Variants in CCDC40 observed in about 807,000 individuals in gnomAD.
The protein encoded by CCDC40 is coiled-coil domain-containing protein 40.
CCDC40 carries 104 observed loss-of-function variants against 124.5 expected under a neutral mutation model. That is an observed-to-expected ratio of 0.84 (90% CI 0.71 to 0.98). The LOEUF (loss-of-function observed/expected upper bound fraction) is 0.98, where lower values mean the gene tolerates loss of function less well. Ranked by LOEUF, CCDC40 falls within the 50% of genes least tolerant of loss-of-function variation. CCDC40 has a pLI of 0.00. For synonymous variants in CCDC40, 580 were observed against 602.9 expected, an observed-to-expected ratio of 0.96 and a Z score of 0.56; for missense variants, 1,463 against 1,503.9, an observed-to-expected ratio of 0.97 and a Z score of 0.45.
intron 10 of CCDC40, chr17:80,067,221 C>T (rs1477889486): frequency 1.1e-5 from 4 of 357,814 alleles, no homozygotes; most frequent in Middle Eastern, 8.2e-4. Flanking sequence ...TAACCAGTGT[C>T]CTCTCTGCAA....
At chr17:80,063,023 C>T (rs901053184) in intron 9 of CCDC40, among the ~76,000 whole-genome samples, 5 of 152,034 alleles carry the variant, frequency 3.3e-5, no homozygotes, top group African/African-American at 7.2e-5. Flanking sequence ...GGTGAAACCC[C>T]GTCTCTACTA....
At chr17:80,055,746 G>A (rs1003262805) in intron 7 of CCDC40, among the ~76,000 whole-genome samples, 7 of 151,662 alleles carry the variant, frequency 4.6e-5, no homozygotes, top group Admixed American at 1.3e-4. Flanking sequence ...GGAAGTTTTC[G>A]TCTCTTTTCC....
intron 16 of CCDC40, 129 bp from the exon 17 acceptor site, chr17:80,089,635 C>T: frequency 1.2e-5 from 14 of 1,130,950 alleles, no homozygotes; most frequent in South Asian, 8.7e-5. Flanking sequence ...GAGAGCCTCA[C>T]GCTTTCTGTC....
chr17:80,041,320 C>T (rs1429127652), intron 3 of CCDC40, among the ~76,000 whole-genome samples: 1 of 152,020 alleles, frequency 6.6e-6, no homozygotes, highest in African/African-American at 2.4e-5. Flanking sequence ...CCAGCCTGGC[C>T]AACATGGTGA....
rs2038699426 is a variant in CCDC40, at chr17:80,090,392, GTGCATGAACAACA to G, written c.2832+509_2832+521del. ...CACGAACACAGGACACACACAGCAC[GTGCATGAACAACA>G]CAGGACACACACAGCACGTGCATGA... On this transcript the variant is annotated intron_variant, in intron 17 of 19. Transcript: ENST00000397545. The G allele has an allele frequency of 2.3e-4, 186 of 799,776 alleles. 8 individuals are homozygous for G. The African/African-American group carries it at 3.6e-3, about 16-fold the overall frequency. 49.5% of individuals were successfully genotyped at this position (799,776 alleles called of 1,614,324 possible).
At chr17:80,036,974 C>G (rs1160274766) in intron 1 of CCDC40, among the ~76,000 whole-genome samples, 2 of 152,180 alleles carry the variant, frequency 1.3e-5, no homozygotes. Context: ...CTCTAAAACC[C>G]GGGACCGCTC....
At chr17:80,056,001 TATA>T (rs1243404028) in intron 7 of CCDC40, among the ~76,000 whole-genome samples, 220 of 19,500 alleles carry the variant, frequency 0.011, 34 homozygotes, top group Non-Finnish European at 0.024. Context: ...TATATATATA[TATA>T]TATATATATA....
chr17:80,054,790 G>A (rs1295207237), intron 7 of CCDC40, among the ~76,000 whole-genome samples: 1 of 151,958 alleles, frequency 6.6e-6, no homozygotes, highest in African/African-American at 2.4e-5. Context: ...CCTGGCCAAC[G>A]TGGTGAAACC....
At chr17:80,069,812 AAAAG>A (rs772467204) in intron 10 of CCDC40, among the ~76,000 whole-genome samples, 23 of 147,722 alleles carry the variant, frequency 1.6e-4, no homozygotes, top group East Asian at 3.9e-4. Flanking sequence ...GAGAGAGAAA[AAAAG>A]AAAGAAAGAA....
chr17:80,085,521 A>T (rs1376973193), intron 13 of CCDC40, among the ~76,000 whole-genome samples: 1 of 151,908 alleles, frequency 6.6e-6, no homozygotes, highest in East Asian at 1.9e-4. Context: ...CCTTAGCCAT[A>T]TTTCCTCCAG....
chr17:80,038,388 G>T (rs146973672), intron 2 of CCDC40, among the ~76,000 whole-genome samples: 7 of 151,930 alleles, frequency 4.6e-5, no homozygotes, highest in Non-Finnish European at 8.8e-5. Context: ...AAAATTAGCC[G>T]GGCGTGGTGG....
intron 9 of CCDC40, among the ~76,000 whole-genome samples, chr17:80,060,905 T>A (rs1193804743): frequency 6.6e-6 from 1 of 152,240 alleles, no homozygotes; most frequent in Non-Finnish European, 1.5e-5. Context: ...CTTTTCCTCA[T>A]ACCAGACACT....
At position 80,099,990 on chromosome 17, in the gene CCDC40, C is replaced by A; in HGVS notation, c.*215C>A. The stretch of plus-strand genomic sequence containing the variant: ...AAAATCCTAGCGTTTCCCATGGCAT[C>A]CCATCGCAAAGACAGAGCCTGTGAC... On this transcript the variant is annotated 3_prime_UTR_variant, in exon 20 of 20. Coordinates refer to ENST00000397545, the MANE Select transcript of CCDC40 (RefSeq NM_017950.4). 1 of 592,560 alleles carries A rather than the reference C, an allele frequency of 1.7e-6. No individual in the cohort carries two copies. The highest frequency in any genetic ancestry group is 2.0e-5 in the South Asian group (1 of 50,654). 36.7% of individuals were successfully genotyped at this position (592,560 alleles called of 1,614,324 possible).
rs1246130419 is a variant in CCDC40 at position 80,084,744 on chromosome 17, T to C, written c.1991T>C (p.Met664Thr). Residue 664 changes from methionine (M) to threonine (T), a missense_variant and splice_region_variant, in exon 13 of 20, where the codon ATG becomes ACG. By Grantham distance (81) the Met-to-Thr change is moderately conservative. Transcript: ENST00000397545. The part of the protein sequence containing the change: ...LRLQKEKTNM[M>T]THLSKINGDI... The stretch of plus-strand genomic sequence containing the variant: ...AGGTATTTCTTTTCATCAATTCAGA[T>C]GACACATCTTTCCAAAATCAACGGT... 2 of 1,614,034 alleles carry C rather than the reference T, an allele frequency of 1.2e-6. No individual in the cohort carries two copies. The highest frequency in any genetic ancestry group is 1.3e-5 in the African/African-American group (1 of 75,030).
chr17:80,071,831 C>CTTTTTTT (rs35874742), intron 10 of CCDC40, among the ~76,000 whole-genome samples: 12 of 88,952 alleles, frequency 1.3e-4, no homozygotes, highest in African/African-American at 3.1e-4. Flanking sequence ...GGTTTTTCAG[C>CTTTTTTT]TTTTTTTTTT....
rs1355571180 is a variant in CCDC40 at position 80,058,171 on chromosome 17, G to A, written c.1160-323G>A. Among the ~76,000 whole-genome samples, 1 of 152,174 alleles carries A rather than the reference G, an allele frequency of 6.6e-6. No homozygotes were observed. Among genetic ancestry groups the A allele is most frequent in the Non-Finnish European group, 1.5e-5 (1 of 68,038 alleles). ...GGTAAGACATCTATGCAATCAACCC[G>A]AAGCCTTACCACCTGGCACTACTTC... On this transcript the variant is annotated intron_variant, in intron 7 of 19. Transcript: ENST00000397545. The surrounding 1 kb of genome is among the most constrained non-coding windows in gnomAD (Gnocchi z 4.2).
At chr17:80,067,474 T>A in intron 10 of CCDC40, 1 of 903,142 alleles carries the variant, frequency 1.1e-6, no homozygotes, top group Non-Finnish European at 1.8e-6. Flanking sequence ...CACTCACTGT[T>A]CTGCACCTCT....
Position 80,085,237 on chromosome 17 carries a change from C to T in CCDC40, c.2235+249C>T, listed in dbSNP as rs1252514847. On this transcript the variant is annotated intron_variant, in intron 13 of 19. Coordinates refer to ENST00000397545, the MANE Select transcript of CCDC40 (RefSeq NM_017950.4). ...TCTGGCAGTGACACGGCTCTGCCTC[C>T]ATAGCGAGAAGGAGCATAGGTAAAA... 2.6e-5 allele frequency among the ~76,000 whole-genome samples: 4 copies of T among 152,398 alleles called. No individual in the cohort carries two copies. The East Asian group carries it at 7.7e-4, about 29-fold the overall frequency.
At chr17:80,094,596 G>A (rs2038775363) in intron 17 of CCDC40, among the ~76,000 whole-genome samples, 1 of 152,194 alleles carries the variant, frequency 6.6e-6, no homozygotes, top group South Asian at 2.1e-4. Flanking sequence ...TCAGGAGGCT[G>A]AGGCAGAAGA....
Sources: gnomAD v4.1 joint callset for allele counts (sites outside exome capture counted in the v4.1 genomes callset) on GRCh38, gnomAD v4.1.1 for gene constraint, Gnocchi (gnomAD v3.1) non-coding constraint, MANE v1.5 for transcripts, NCBI Gene and HGNC (gene_info 2026-07-23, HGNC 2026-07-21) for gene names.